The following COL12A1 variants were observed in gnomAD, a reference collection of about 807,000 sequenced individuals.
COL12A1 encodes the protein collagen alpha-1(XII) chain.
A neutral mutation model predicts 349.7 loss-of-function variants in COL12A1; 114 were observed. The observed-to-expected ratio is 0.33, with a 90% confidence interval of 0.28 to 0.38. COL12A1 has a LOEUF of 0.38. COL12A1 is among the 10% of genes least tolerant of loss of function. The probability of loss-of-function intolerance (pLI) is 1.00; values close to 1 mark genes in which losing one functional copy is unlikely to be tolerated. For missense variants in COL12A1, 3,284 were observed against 3,756.9 expected, an observed-to-expected ratio of 0.87 and a Z score of 3.29; for synonymous variants, 1,369 against 1,329.0, an observed-to-expected ratio of 1.03 and a Z score of -0.66.
Position 75,117,423 on chromosome 6 carries a change from T to G in COL12A1, c.7478A>C (p.Glu2493Ala). ...VDDFESFEKI[E>A]DNLITFVCET... ...ACAAACAAATGTAATAAGATTGTCT[T>G]CGATCTTCTCAAAAGATTCAAAGTC... The change falls in exon 47 of 66, where the codon GAA becomes GCA. Residue 2493 changes from glutamate (E) to alanine (A), a missense_variant. Physicochemically the swap from Glu to Ala is moderately radical, Grantham distance 107. Coordinates refer to ENST00000322507, the MANE Select transcript of COL12A1 (RefSeq NM_004370.6). 1 of 1,613,664 alleles carries G rather than the reference T, an allele frequency of 6.2e-7. No homozygotes were observed. Among genetic ancestry groups the G allele is most frequent in the Non-Finnish European group, 8.5e-7 (1 of 1,179,656 alleles).
chr6:75,087,578 T>C lies in COL12A1; in HGVS notation c.9180A>G (p.Pro3060=). The change falls in exon 65 of 66, where the codon CCA becomes CCG. Residue 3060 remains proline, a splice_region_variant and synonymous_variant. Transcript: ENST00000322507. Reference sequence around the variant, plus strand: ...GTTCCTACAATGGCAACAACGTACCTGGATAGCCTTGCCCGTTGTATGGGA... The same window carrying C: ...GTTCCTACAATGGCAACAACGTACCCGGATAGCCTTGCCCGTTGTATGGGA... ...ASIPYNGQGY[P]GSG 1 of 1,613,806 alleles carries C rather than the reference T, an allele frequency of 6.2e-7. No individual in the cohort carries two copies. The highest frequency in any genetic ancestry group is 8.5e-7 in the Non-Finnish European group (1 of 1,179,860).
At chr6:75,118,970 T>G (rs968167574) in intron 46 of COL12A1, 73 bp downstream of exon 46, 1 of 1,581,548 alleles carries the variant, frequency 6.3e-7, no homozygotes. Flanking sequence ...GCAAATTTAG[T>G]CTTTTGCAAT....
chr6:75,192,490 T>C (rs1006773515), intron 3 of COL12A1, 135 bp from the exon 4 acceptor site: 32 of 721,390 alleles, frequency 4.4e-5, no homozygotes, highest in Non-Finnish European at 6.0e-5. Context: ...TCAAACATTA[T>C]TTTTTACTGC....
At chr6:75,141,472 C>T (rs549068957) in intron 27 of COL12A1, among the ~76,000 whole-genome samples, 11 of 152,270 alleles carry the variant, frequency 7.2e-5, no homozygotes, top group Middle Eastern at 3.4e-3. Context: ...CCCGGTATCC[C>T]CCAGCACTCC....
At chr6:75,124,206 TG>T in intron 41 of COL12A1, 48 bp downstream of exon 41, 2 of 1,594,808 alleles carry the variant, frequency 1.3e-6, no homozygotes, top group South Asian at 2.2e-5. Context: ...AAATTTAAAA[TG>T]TTTCCACTAC....
At chr6:75,122,172 A>G (rs996366493) in intron 43 of COL12A1, among the ~76,000 whole-genome samples, 1 of 152,240 alleles carries the variant, frequency 6.6e-6, no homozygotes, top group African/African-American at 2.4e-5. Flanking sequence ...TTAAGCCACT[A>G]GAATCATATG....
At chr6:75,168,731 C>T (rs989794450) in intron 13 of COL12A1, among the ~76,000 whole-genome samples, 1 of 152,200 alleles carries the variant, frequency 6.6e-6, no homozygotes, top group Non-Finnish European at 1.5e-5. Flanking sequence ...CTTTCTACTT[C>T]TCCTCTCTGA....
chr6:75,123,640 G>A (rs1765857275), intron 42 of COL12A1, among the ~76,000 whole-genome samples: 1 of 152,102 alleles, frequency 6.6e-6, no homozygotes, highest in South Asian at 2.1e-4. Context: ...GAAAATGTAA[G>A]GCCTTCAGAT....
chr6:75,107,443 G>GC (rs1338711581), intron 52 of COL12A1, among the ~76,000 whole-genome samples: 1 of 151,624 alleles, frequency 6.6e-6, no homozygotes, highest in Non-Finnish European at 1.5e-5. Context: ...GCTAATTTTT[G>GC]TTTTTTTAGT....
chr6:75,192,109 T>C, intron 4 of COL12A1, 103 bp downstream of exon 4: 1 of 893,310 alleles, frequency 1.1e-6, no homozygotes, highest in East Asian at 2.8e-5. Context: ...TAGTTAGTAC[T>C]GCTGTAAATT....
At chr6:75,157,463 A>G (rs1260655047) in intron 14 of COL12A1, among the ~76,000 whole-genome samples, 2 of 152,070 alleles carry the variant, frequency 1.3e-5, no homozygotes, top group Non-Finnish European at 2.9e-5. Flanking sequence ...CCTAAGAAAA[A>G]TAAACACAAT....
rs777596531 is a variant in COL12A1 at position 75,097,312 on chromosome 6, G to T, written c.8524-6C>A. 4 of 1,611,736 alleles carry T rather than the reference G, an allele frequency of 2.5e-6. No homozygotes were observed. The highest frequency in any genetic ancestry group is 1.7e-4 in the Middle Eastern group (1 of 6,054). On this transcript the variant is annotated splice_polypyrimidine_tract_variant and splice_region_variant and intron_variant, in intron 58 of 65. Coordinates refer to ENST00000322507, the MANE Select transcript of COL12A1 (RefSeq NM_004370.6). The stretch of plus-strand genomic sequence containing the variant: ...CCGTCTTTTCCAGTGAAGCCCTATT[G>T]TAAAAATGAAAGTAATTACAGTTAG...
At position 75,155,732 on chromosome 6, in the gene COL12A1, C is replaced by T. The variant is rs745442324; in HGVS notation, c.3373G>A (p.Gly1125Arg). 4.3e-6 allele frequency: 7 copies of T among 1,613,448 alleles called. No homozygotes were observed. The highest frequency in any genetic ancestry group is 1.1e-5 in the South Asian group (1 of 91,006). ...KGYKVTFHPT[G>R]DDRRLGELVV... ...AACTCCCCCAGTCTTCTGTCATCCC[C>T]CGTAGGGTGGAATGTGACTTTATAA... Residue 1125 changes from glycine to arginine, a missense_variant, in exon 16 of 66, where the codon GGG (glycine) becomes AGG (arginine). Around this residue, in one of 2 missense-constraint regions of COL12A1, gnomAD observed 2,601 missense variants for 2,824.8 expected, o/e 0.92. Coordinates refer to ENST00000322507, the MANE Select transcript of COL12A1 (RefSeq NM_004370.6).
chr6:75,119,134 C>T lies in COL12A1; in HGVS notation c.7263G>A (p.Met2421Ile). 6.2e-7 allele frequency: 1 copy of T among 1,613,992 alleles called. No individual in the cohort carries two copies. The highest frequency in any genetic ancestry group is 8.5e-7 in the Non-Finnish European group (1 of 1,179,926). ...KEKVLTWESGMRKNVPKVLVV... is the reference protein window; with the variant it reads ...KEKVLTWESGIRKNVPKVLVV... ...CCAACACCTTAGGGACATTCTTCCT[C>T]ATGCCGCTCTCCCAAGTCAAGACTT... is the stretch of plus-strand genomic sequence containing the variant. The change falls in exon 46 of 66, where the codon ATG (methionine) becomes ATA (isoleucine). Residue 2421 changes from methionine (M) to isoleucine (I), a missense_variant. By Grantham distance (10) the Met-to-Ile change is conservative. Around this residue, in one of 2 missense-constraint regions of COL12A1, gnomAD observed 683 missense variants for 932.1 expected, o/e 0.73. Transcript: ENST00000322507.
chr6:75,170,682 T>TA (rs1163455535), intron 13 of COL12A1, among the ~76,000 whole-genome samples: 7 of 152,216 alleles, frequency 4.6e-5, no homozygotes, highest in African/African-American at 1.7e-4. Context: ...GTGACTGTGC[T>TA]AAAGTTCCCT....
In COL12A1 at chr6:75,142,104, A is replaced by G. The variant is rs767188736; in HGVS notation, c.4885T>C (p.Leu1629=). ...TSLKDLFSQT[L]YTVSVSAVHD... ...ACTGCAGAAACGCTGACTGTGTACA[A>G]GGTCTGTGAGAAGAGGTCTTTGAGG... Residue 1629 remains leucine, a synonymous_variant, in exon 27 of 66, where the codon TTG becomes CTG. Transcript: ENST00000322507. The G allele has an allele frequency of 6.8e-6, 11 of 1,614,136 alleles. 1 individual carries two copies. The South Asian group carries it at 1.1e-4, about 16-fold the overall frequency.
chr6:75,203,827 TAA>T (rs1229992692), intron 1 of COL12A1, among the ~76,000 whole-genome samples: 1 of 152,014 alleles, frequency 6.6e-6, no homozygotes, highest in African/African-American at 2.4e-5. Flanking sequence ...TGGCAAAACA[TAA>T]AAAGAGTTGA....
chr6:75,117,595 T>C lies in COL12A1; in HGVS notation c.7355-49A>G, dbSNP rs560298704. On this transcript the variant is annotated intron_variant, in intron 46 of 65. Transcript: ENST00000322507. Reference sequence around the variant, plus strand: ...GAATCACGTATCTCTTTTTCTGTCCTTGTTGTTAGAACAATGCAAAAAAAT... The same window carrying C: ...GAATCACGTATCTCTTTTTCTGTCCCTGTTGTTAGAACAATGCAAAAAAAT... The C allele has an allele frequency of 1.7e-5, 27 of 1,586,036 alleles. No individual in the cohort carries two copies. The African/African-American group carries it at 3.0e-4, about 17-fold the overall frequency.
intron 35 of COL12A1, 50 bp downstream of exon 35, chr6:75,131,890 A>T: frequency 6.2e-7 from 1 of 1,601,608 alleles, no homozygotes; most frequent in South Asian, 1.1e-5. Flanking sequence ...TGACACAAAC[A>T]TGTGACTACA....
Sources: allele counts gnomAD v4.1 joint callset (sites outside exome capture counted in the v4.1 genomes callset), GRCh38; gene constraint gnomAD v4.1.1; regional missense constraint gnomAD v4.1.1; transcripts MANE v1.5; gene names NCBI Gene and HGNC (gene_info 2026-07-23, HGNC 2026-07-21).